Variants in TOX observed in about 807,000 individuals in gnomAD.
The protein encoded by TOX is thymocyte selection associated high mobility group box.
In TOX, 11 loss-of-function variants were observed where a neutral mutation model predicts 53.7. That is an observed-to-expected ratio of 0.20 (90% CI 0.13 to 0.34). The LOEUF (loss-of-function observed/expected upper bound fraction) is 0.34. Among genes scored for constraint, TOX ranks in the 10% least tolerant of loss-of-function variants. The pLI, the probability that TOX is intolerant of heterozygous loss-of-function variation, is 1.00. For missense variants in TOX, 570 were observed against 664.6 expected (o/e 0.86, Z 1.56); for synonymous variants, 225 against 245.3 (o/e 0.92, Z 0.77).
intron 1 of TOX, among the ~76,000 whole-genome samples, chr8:58,964,755 A>G (rs576124406): frequency 6.6e-6 from 1 of 152,290 alleles, no homozygotes; most frequent in African/African-American, 2.4e-5. Context: ...ACTATGACAT[A>G]CTGCTTTTTA....
At chr8:58,875,783 C>T (rs899994364) in intron 3 of TOX, among the ~76,000 whole-genome samples, 5 of 152,222 alleles carry the variant, frequency 3.3e-5, no homozygotes, top group African/African-American at 9.6e-5. Context: ...TTAGCCACAA[C>T]TGGCAATCAC....
At chr8:58,909,660 CTT>C (rs34509406) in intron 3 of TOX, among the ~76,000 whole-genome samples, 30 of 142,900 alleles carry the variant, frequency 2.1e-4, no homozygotes, top group Admixed American at 2.1e-4. Context: ...CTCTCTCTCT[CTT>C]TTTTTTTTTT....
intron 1 of TOX, among the ~76,000 whole-genome samples, chr8:59,068,416 GA>G (rs370147164): frequency 1.4e-3 from 201 of 141,318 alleles, no homozygotes; most frequent in Middle Eastern, 3.5e-3. Context: ...GGAAGAAGAA[GA>G]GGAAAAAAAG....
chr8:58,988,538 T>C (rs1042474903), intron 1 of TOX, among the ~76,000 whole-genome samples: 4 of 152,368 alleles, frequency 2.6e-5, no homozygotes, highest in East Asian at 1.9e-4. Flanking sequence ...TTAAAAAGTG[T>C]TATTAACAAG....
intron 5 of TOX, among the ~76,000 whole-genome samples, chr8:58,832,175 T>TATATGTA (rs1563364819): frequency 3.8e-5 from 2 of 52,708 alleles, no homozygotes; most frequent in East Asian, 1.1e-3. Context: ...ATATATGTAA[T>TATATGTA]ATATATATAA....
intron 4 of TOX, among the ~76,000 whole-genome samples, chr8:58,840,281 G>T (rs1234316864): frequency 6.6e-6 from 1 of 152,156 alleles, no homozygotes; most frequent in Non-Finnish European, 1.5e-5. Context: ...GGGACAGGAT[G>T]CTGTGAACCA....
chr8:58,992,806 A>G (rs1813480806), intron 1 of TOX: 1 of 152,200 alleles, frequency 6.6e-6, no homozygotes, highest in Non-Finnish European at 1.5e-5. Flanking sequence ...CTTACAAATT[A>G]AAGTTTGAAG....
chr8:58,836,805 T>C (rs761378642), intron 5 of TOX, among the ~76,000 whole-genome samples: 6 of 152,218 alleles, frequency 3.9e-5, no homozygotes, highest in Non-Finnish European at 7.3e-5. Context: ...ACCAGGCATG[T>C]AACTGTAGAT....
At chr8:59,066,530 A>G (rs1368227312) in intron 1 of TOX, among the ~76,000 whole-genome samples, 2 of 152,194 alleles carry the variant, frequency 1.3e-5, no homozygotes, top group Admixed American at 6.5e-5. Flanking sequence ...ATGACTAACC[A>G]AAAGAACCCT....
intron 3 of TOX, among the ~76,000 whole-genome samples, chr8:58,872,782 G>A (rs892615958): frequency 1.4e-4 from 21 of 152,072 alleles, no homozygotes; most frequent in Admixed American, 9.8e-4. Context: ...AGGACTAAAC[G>A]TAATGTGGAA....
intron 3 of TOX, among the ~76,000 whole-genome samples, chr8:58,900,299 G>A (rs1811713606): frequency 6.6e-6 from 1 of 152,100 alleles, no homozygotes; most frequent in African/African-American, 2.4e-5. Context: ...TTTTTAAAAT[G>A]TATGCCTGGC....
intron 1 of TOX, chr8:58,992,183 GAGAA>G (rs1813466300): frequency 6.6e-6 from 1 of 152,198 alleles, no homozygotes; most frequent in Non-Finnish European, 1.5e-5. Flanking sequence ...GGCTGCAACT[GAGAA>G]AGAACTTAAA....
chr8:58,926,498 C>T (rs901806475), intron 3 of TOX, among the ~76,000 whole-genome samples: 1 of 152,136 alleles, frequency 6.6e-6, no homozygotes, highest in Admixed American at 6.5e-5. Flanking sequence ...TTTGTGAAGG[C>T]ACTGCATATA....
chr8:58,906,222 C>A (rs1048988042), intron 3 of TOX, among the ~76,000 whole-genome samples: 3 of 151,912 alleles, frequency 2.0e-5, no homozygotes, highest in Non-Finnish European at 4.4e-5. Context: ...ACTATAAGGG[C>A]CACAAGTCGA....
chr8:58,973,880 C>G (rs758679132), intron 1 of TOX, among the ~76,000 whole-genome samples: 4 of 152,142 alleles, frequency 2.6e-5, no homozygotes, highest in Non-Finnish European at 4.4e-5. Flanking sequence ...TCACTGCAAC[C>G]TCTGCCTCCC....
intron 5 of TOX, among the ~76,000 whole-genome samples, chr8:58,837,082 T>C (rs183229211): frequency 1.1e-3 from 173 of 152,278 alleles, no homozygotes; most frequent in Non-Finnish European, 1.9e-3. Context: ...TGTTAATATA[T>C]AATATAAACA....
intron 1 of TOX, among the ~76,000 whole-genome samples, chr8:59,013,143 A>G (rs1391564192): frequency 1.3e-5 from 2 of 152,132 alleles, no homozygotes; most frequent in African/African-American, 4.8e-5. Context: ...CCAGCAGGCC[A>G]CTAGGTGAGA....
In TOX at chr8:59,091,301, A is replaced by G. The variant is rs144275926; in HGVS notation, c.102+27585T>C. On this transcript the variant is annotated intron_variant, in intron 1 of 8. Coordinates refer to ENST00000361421, the MANE Select transcript of TOX (RefSeq NM_014729.3). ...ATGGCTATGTTTTAGTCTTTCTCTTATAACATCACTGTTGAGATGACACTC... is the reference window on the plus strand; with the variant it reads ...ATGGCTATGTTTTAGTCTTTCTCTTGTAACATCACTGTTGAGATGACACTC... 2.0e-4 allele frequency among the ~76,000 whole-genome samples: 31 copies of G among 152,300 alleles called. No individual in the cohort carries two copies. In the East Asian group the frequency reaches 5.0e-3, roughly 25 times the overall value.
At chr8:59,090,488 T>C (rs1804590474) in intron 1 of TOX, among the ~76,000 whole-genome samples, 1 of 152,182 alleles carries the variant, frequency 6.6e-6, no homozygotes, top group South Asian at 2.1e-4. Flanking sequence ...AACCAGAGAA[T>C]GCCACCTGTT....
Sources: gnomAD v4.1 joint callset for allele counts (sites outside exome capture counted in the v4.1 genomes callset) on GRCh38, gnomAD v4.1.1 for gene constraint, MANE v1.5 for transcripts, NCBI Gene and HGNC (gene_info 2026-07-23, HGNC 2026-07-21) for gene names.